The following ISL1 variants were observed in gnomAD, a reference collection of about 807,000 sequenced individuals.
The protein encoded by ISL1 is insulin gene enhancer protein ISL-1.
Under a neutral mutation model 35.3 loss-of-function variants are expected in ISL1, and 4 were observed. The observed-to-expected ratio is 0.11, with a 90% CI of 0.06 to 0.26. ISL1 has a LOEUF of 0.26. Among genes scored for constraint, ISL1 ranks in the 10% least tolerant of loss-of-function variants. The probability of loss-of-function intolerance (pLI) is 1.00; values close to 1 mark genes in which losing one functional copy is unlikely to be tolerated. For missense variants in ISL1, 340 were observed against 472.8 expected (o/e 0.72, Z 2.60); for synonymous variants, 186 against 172.3 (o/e 1.08, Z -0.62).
rs57707586 is a variant in ISL1 at position 51,390,642 on chromosome 5, CTTTTTTTTTTTTTTTTTTTTTT to C, written c.766-615_766-594del. On this transcript the variant is annotated intron_variant, in intron 4 of 5. Transcript: ENST00000230658. Reference sequence around the variant, plus strand: ...TCCTTTTTTTCTTTTCTTTCTTTTTCTTTTTTTTTTTTTTTTTTTTTTTTTTTTTTTTTTTTTTACTGCTTTG... The same window carrying C: ...TCCTTTTTTTCTTTTCTTTCTTTTTCTTTTTTTTTTTTTTTTACTGCTTTG... Among the ~76,000 whole-genome samples the C allele has an allele frequency of 8.3e-3, 335 of 40,258 alleles. 6 individuals carry two copies. Among genetic ancestry groups the C allele is most frequent in the Middle Eastern group, 0.029 (2 of 68 alleles). 26.4% of individuals were successfully genotyped at this position (40,258 alleles called of 152,430 possible).
intron 5 of ISL1, among the ~76,000 whole-genome samples, chr5:51,392,982 A>G (rs1242759541): frequency 1.3e-5 from 2 of 152,214 alleles, no homozygotes; most frequent in Non-Finnish European, 1.5e-5. Context: ...AGCAGGACCA[A>G]CAAGGAAGAA....
At position 51,389,386 on chromosome 5, in the gene ISL1, C is replaced by T. The variant is rs1044623404; in HGVS notation, c.479-260C>T. ...GAGGGGCGAGTGCTGCGTTTCAGGC[C>T]GGGATTACTCAGCAAAGACCTCTGC... On this transcript the variant is annotated intron_variant, in intron 3 of 5. Coordinates refer to ENST00000230658, the MANE Select transcript of ISL1 (RefSeq NM_002202.3). This position sits in a 1 kb window ranked among gnomAD's most constrained non-coding sequence, Gnocchi z 5.0. 2.6e-5 allele frequency among the ~76,000 whole-genome samples: 4 copies of T among 152,080 alleles called. No homozygotes were observed. The highest frequency in any genetic ancestry group is 6.6e-5 in the Admixed American group (1 of 15,266).
At chr5:51,390,898 A>T (rs1747498236) in intron 4 of ISL1, among the ~76,000 whole-genome samples, 1 of 151,162 alleles carries the variant, frequency 6.6e-6, no homozygotes, top group South Asian at 2.1e-4. Flanking sequence ...TGCTCAGAAA[A>T]CCACCCTGTC....
chr5:51,389,563 G>C lies in ISL1; in HGVS notation c.479-83G>C. 4.2e-6 allele frequency: 5 copies of C among 1,186,338 alleles called. No homozygotes were observed. The highest frequency in any genetic ancestry group is 2.2e-6 in the Non-Finnish European group (2 of 917,036). 73.5% of individuals were successfully genotyped at this position (1,186,338 alleles called of 1,614,324 possible). A position where few individuals can be genotyped will look rare whatever the true frequency, so the allele number is the denominator to read the frequency against. On this transcript the variant is annotated intron_variant, in intron 3 of 5. Transcript: ENST00000230658. The surrounding 1 kb of genome is among the most constrained non-coding windows in gnomAD (Gnocchi z 5.0). ...TAAGCGGGCGGGCGGGCGGGCAAGC[G>C]AGCGAGCGAGCGAGCGCGCGACCGC... is the stretch of plus-strand genomic sequence containing the variant.
Position 51,389,295 on chromosome 5 carries a change from C to A in ISL1, c.479-351C>A, listed in dbSNP as rs987089180. ...AGAAACAGTGCTGAAAAATGCCACC[C>A]CTGCTGTGAACAGGGGGACAGACTT... On this transcript the variant is annotated intron_variant, in intron 3 of 5. Transcript: ENST00000230658. This position sits in a 1 kb window ranked among gnomAD's most constrained non-coding sequence, Gnocchi z 5.0. Among the ~76,000 whole-genome samples the A allele has an allele frequency of 1.3e-5, 2 of 152,120 alleles. No homozygotes were observed. The highest frequency in any genetic ancestry group is 1.3e-4 in the Admixed American group (2 of 15,282).
In ISL1 at chr5:51,387,736, A is replaced by C; in HGVS notation, c.465A>C (p.Pro155=). The C allele has an allele frequency of 6.2e-7, 1 of 1,614,178 alleles. No homozygotes were observed. ...TCAGTCCCCTGCATCCAGCGCGGCC[A>C]CTGCAAATGGCAGGTACTCCTCTGC... ...DPLSPLHPAR[P]LQMAAEPISA... The change falls in exon 3 of 6, where the codon CCA becomes CCC. Residue 155 remains proline (P), a synonymous_variant. Coordinates refer to ENST00000230658, the MANE Select transcript of ISL1 (RefSeq NM_002202.3). This position sits in a 1 kb window ranked among gnomAD's most constrained non-coding sequence, Gnocchi z 4.3.
At chr5:51,388,937 G>A (rs1195350988) in intron 3 of ISL1, among the ~76,000 whole-genome samples, 1 of 152,112 alleles carries the variant, frequency 6.6e-6, no homozygotes, top group African/African-American at 2.4e-5. Context: ...TCCACTGCTT[G>A]GGATCAGCCC....
At chr5:51,393,079 C>T (rs753912559) in intron 5 of ISL1, among the ~76,000 whole-genome samples, 11 of 152,154 alleles carry the variant, frequency 7.2e-5, no homozygotes, top group Non-Finnish European at 1.3e-4. Flanking sequence ...GAGCCTGTTA[C>T]GGATTTTCCA....
intron 4 of ISL1, among the ~76,000 whole-genome samples, chr5:51,390,382 A>C (rs946525542): frequency 1.3e-5 from 2 of 152,084 alleles, no homozygotes; most frequent in African/African-American, 4.8e-5. Flanking sequence ...TGGGCAGGTC[A>C]CCCTGTGAGC....
intron 4 of ISL1, 86 bp downstream of exon 4, chr5:51,390,018 G>C: frequency 1.4e-6 from 2 of 1,466,460 alleles, no homozygotes; most frequent in Non-Finnish European, 1.9e-6. Context: ...AGGATCGCAC[G>C]GTTTTCAATC....
chr5:51,390,082 C>G (rs1257679876), intron 4 of ISL1, 150 bp downstream of exon 4: 10 of 965,774 alleles, frequency 1.0e-5, no homozygotes, highest in East Asian at 2.6e-5. Flanking sequence ...ACCCCCCTAC[C>G]CATGCCCCGG....
chr5:51,390,922 G>A (rs979488201), intron 4 of ISL1, among the ~76,000 whole-genome samples: 21 of 151,728 alleles, frequency 1.4e-4, no homozygotes, highest in African/African-American at 4.8e-4. Context: ...AGGCTGAAGG[G>A]AAGCCCTGCT....
Position 51,387,832 on chromosome 5 carries a change from C to T in ISL1, c.478+83C>T. The T allele has an allele frequency of 1.3e-6, 2 of 1,548,774 alleles. No homozygotes were observed. Among genetic ancestry groups the T allele is most frequent in the Non-Finnish European group, 1.8e-6 (2 of 1,137,094 alleles). Reference sequence around the variant, plus strand: ...GCGGCCACAACAACTATGGTAGCTACAGGGGTGGTCGTAGTGTTTGCCTGC... The same window carrying T: ...GCGGCCACAACAACTATGGTAGCTATAGGGGTGGTCGTAGTGTTTGCCTGC... On this transcript the variant is annotated intron_variant, in intron 3 of 5. Coordinates refer to ENST00000230658, the MANE Select transcript of ISL1 (RefSeq NM_002202.3). The surrounding 1 kb of genome is among the most constrained non-coding windows in gnomAD (Gnocchi z 4.3).
chr5:51,384,519 C>T (rs1376120197), intron 1 of ISL1, 22 bp from the exon 2 acceptor site: 27 of 1,609,234 alleles, frequency 1.7e-5, no homozygotes, highest in Non-Finnish European at 2.3e-5. Flanking sequence ...GTTAGTCAAT[C>T]ATGTATTTAT....
chr5:51,391,985 G>C (rs1284555919), intron 5 of ISL1, among the ~76,000 whole-genome samples: 1 of 152,140 alleles, frequency 6.6e-6, no homozygotes, highest in Non-Finnish European at 1.5e-5. Flanking sequence ...TATTAATAAA[G>C]ATTATTCAAA....
chr5:51,383,763 C>A, intron 1 of ISL1, 64 bp downstream of exon 1: 1 of 1,428,680 alleles, frequency 7.0e-7, no homozygotes, highest in Non-Finnish European at 9.9e-7. Context: ...CTCTCTCAGG[C>A]ACAGGCTGAG....
Position 51,387,414 on chromosome 5 carries a change from C to T in ISL1, c.219-76C>T, listed in dbSNP as rs1249653716. 3 of 1,519,440 alleles carry T rather than the reference C, an allele frequency of 2.0e-6. No homozygotes were observed. Among genetic ancestry groups the T allele is most frequent in the Admixed American group, 1.8e-5 (1 of 55,884 alleles). 94.1% of individuals were successfully genotyped at this position (1,519,440 alleles called of 1,614,324 possible). ...CCGGGATCTTGGGCCAGGGAAGTGC[C>T]GGCCTGAAGTGACCCCCTCTTCCTG... is the stretch of plus-strand genomic sequence containing the variant. On this transcript the variant is annotated intron_variant, in intron 2 of 5. Coordinates refer to ENST00000230658, the MANE Select transcript of ISL1 (RefSeq NM_002202.3). This position sits in a 1 kb window ranked among gnomAD's most constrained non-coding sequence, Gnocchi z 4.3.
intron 2 of ISL1, among the ~76,000 whole-genome samples, chr5:51,385,866 AGTT>A (rs1747330974): frequency 1.3e-5 from 2 of 152,226 alleles, no homozygotes; most frequent in Non-Finnish European, 2.9e-5. Context: ...ATTAAAGTTT[AGTT>A]AAGATTTAAT....
At chr5:51,384,415 AAAAG>A (rs549402752) in intron 1 of ISL1, 122 bp from the exon 2 acceptor site, 8,623 of 781,810 alleles carry the variant, frequency 0.011, 61 homozygotes, top group African/African-American at 0.04. Flanking sequence ...AAAAAAAAAA[AAAAG>A]AAAGAAAGAA....
Sources: allele counts gnomAD v4.1 joint callset (sites outside exome capture counted in the v4.1 genomes callset), GRCh38; gene constraint gnomAD v4.1.1; non-coding constraint Gnocchi (gnomAD v3.1); transcripts MANE v1.5; gene names NCBI Gene and HGNC (gene_info 2026-07-23, HGNC 2026-07-21).